TYW1: variants seen among roughly 807,000 people sequenced by gnomAD.
The protein encoded by TYW1 is S-adenosyl-L-methionine-dependent tRNA 4-demethylwyosine synthase TYW1.
TYW1 carries 46 observed loss-of-function variants against 96.2 expected under a neutral mutation model. The observed-to-expected ratio is 0.48, with a 90% CI of 0.38 to 0.61. TYW1 has a LOEUF of 0.61. TYW1 is among the 20% of genes least tolerant of loss of function. The probability of loss-of-function intolerance (pLI) is 0.00; values close to 1 mark genes in which losing one functional copy is unlikely to be tolerated. For missense variants in TYW1, 684 were observed against 909.6 expected, an observed-to-expected ratio of 0.75 and a Z score of 3.19; for synonymous variants, 274 against 323.0, an observed-to-expected ratio of 0.85 and a Z score of 1.63.
At chr7:67,200,532 GA>G (rs569166797) in intron 15 of TYW1, among the ~76,000 whole-genome samples, 141 of 152,164 alleles carry the variant, frequency 9.3e-4, no homozygotes, top group African/African-American at 3.2e-3. Flanking sequence ...CAGTATGGGG[GA>G]AACCACCCCA....
At chr7:67,163,668 A>ATT (rs3980764) in intron 13 of TYW1, among the ~76,000 whole-genome samples, 3,681 of 140,934 alleles carry the variant, frequency 0.026, 74 homozygotes, top group Admixed American at 0.049. Flanking sequence ...AAGCAGGAGA[A>ATT]TTTTTTTTTT....
chr7:67,138,376 G>T (rs1043737869), intron 13 of TYW1, among the ~76,000 whole-genome samples: 17 of 151,934 alleles, frequency 1.1e-4, no homozygotes, highest in African/African-American at 2.9e-4. Context: ...TATTTATAAG[G>T]TACCTGAGAT....
At chr7:67,138,302 G>C (rs1214180637) in intron 13 of TYW1, among the ~76,000 whole-genome samples, 1 of 152,032 alleles carries the variant, frequency 6.6e-6, no homozygotes, top group Admixed American at 6.6e-5. Flanking sequence ...CTATGAAGGA[G>C]GAGGGTTCTA....
At position 67,014,409 on chromosome 7, in the gene TYW1, A is replaced by T; in HGVS notation, c.418A>T (p.Thr140Ser). The change falls in exon 5 of 16, where the codon ACT becomes TCT. Residue 140 changes from threonine (T) to serine (S), a missense_variant. By Grantham distance (58) the Thr-to-Ser change is moderately conservative. Transcript: ENST00000359626. ...CTGTGTCTTCCTGGTTGCGACATAC[A>T]CTGACGGCCTACCAACTGAAAGTGC... ...NVCVFLVATY[T>S]DGLPTESAEW... 6.2e-7 allele frequency: 1 copy of T among 1,613,646 alleles called. No homozygotes were observed. The highest frequency in any genetic ancestry group is 8.5e-7 in the Non-Finnish European group (1 of 1,179,762).
At chr7:67,158,850 C>T (rs570183382) in intron 13 of TYW1, among the ~76,000 whole-genome samples, 118 of 152,294 alleles carry the variant, frequency 7.7e-4, no homozygotes, top group African/African-American at 2.6e-3. Flanking sequence ...GGATTACAGG[C>T]GTGAGCCACT....
chr7:67,058,012 G>GCA (rs1795578339), intron 9 of TYW1, among the ~76,000 whole-genome samples: 1 of 152,130 alleles, frequency 6.6e-6, no homozygotes, highest in African/African-American at 2.4e-5. Flanking sequence ...TCGGCTCACT[G>GCA]CAAGCTCTGC....
intron 11 of TYW1, among the ~76,000 whole-genome samples, chr7:67,095,680 ACAACAACAACAACAACAACAGCAG>A (rs1294449066): frequency 0.018 from 2,403 of 132,574 alleles, 32 homozygotes; most frequent in Admixed American, 0.048. Flanking sequence ...AACAACAACA[ACAACAACAACAACAACAACAGCAG>A]CAGCAGCAGC....
chr7:67,115,999 T>C (rs1329729143), intron 12 of TYW1, among the ~76,000 whole-genome samples: 1 of 152,132 alleles, frequency 6.6e-6, no homozygotes, highest in Non-Finnish European at 1.5e-5. Flanking sequence ...TTATGAGACC[T>C]ATTTGAAGAG....
rs141469808 is a variant in TYW1 at position 67,184,213 on chromosome 7, T to C, written c.1809+977T>C. Among the ~76,000 whole-genome samples the C allele has an allele frequency of 1.7e-3, 253 of 152,304 alleles. 1 individual carries two copies. The highest frequency in any genetic ancestry group is 5.8e-3 in the African/African-American group (241 of 41,566). ...TTAATTTCCTCTTCTATGTGTTTTG[T>C]TTTTCCTCTTAGAAATCACTTTGCT... On this transcript the variant is annotated intron_variant, in intron 14 of 15. Transcript: ENST00000359626.
At chr7:67,053,942 A>AAG (rs1316139636) in intron 8 of TYW1, among the ~76,000 whole-genome samples, 1 of 152,120 alleles carries the variant, frequency 6.6e-6, no homozygotes, top group African/African-American at 2.4e-5. Context: ...TTCCAAACTC[A>AAG]AGAGTCCACT....
intron 15 of TYW1, among the ~76,000 whole-genome samples, chr7:67,206,764 A>G (rs1263842722): frequency 1.3e-5 from 2 of 152,174 alleles, no homozygotes; most frequent in South Asian, 4.1e-4. Context: ...TGATCATACA[A>G]TCCATACATA....
chr7:67,048,089 C>CGTGTTAAAATTTTTAATCTGTTTGAT (rs57594073), intron 7 of TYW1, among the ~76,000 whole-genome samples: 1 of 78,364 alleles, frequency 1.3e-5, no homozygotes. Context: ...TGCCCAGCCA[C>CGTGTTAAAATTTTTAATCTGTTTGAT]ATATGGGGGA....
chr7:67,000,211 C>T (rs1793335480), intron 3 of TYW1, among the ~76,000 whole-genome samples: 2 of 152,172 alleles, frequency 1.3e-5, no homozygotes, highest in Admixed American at 6.6e-5. Flanking sequence ...GTTGGGATTA[C>T]AGTCGTGAGC....
chr7:67,212,255 T>G (rs1456795070), intron 15 of TYW1, among the ~76,000 whole-genome samples: 1 of 121,174 alleles, frequency 8.3e-6, no homozygotes. Flanking sequence ...TCTTTTTTTT[T>G]TAACCTTTTT....
intron 13 of TYW1, among the ~76,000 whole-genome samples, chr7:67,178,158 T>C (rs1799736346): frequency 6.9e-6 from 1 of 145,236 alleles, no homozygotes; most frequent in Non-Finnish European, 1.5e-5. Context: ...AGCCAGACCC[T>C]ATCTCAAGCC....
At position 67,006,015 on chromosome 7, in the gene TYW1, GTTTT is replaced by G. The variant is rs1337317557; in HGVS notation, c.274-3567_274-3564del. ...TCTCACTTTATCCTTGTGTTAGTCT[GTTTT>G]GCATTGCCATAAAGGAATACCTGCA... is the stretch of plus-strand genomic sequence containing the variant. On this transcript the variant is annotated intron_variant, in intron 3 of 15. Coordinates refer to ENST00000359626, the MANE Select transcript of TYW1 (RefSeq NM_018264.4). Among the ~76,000 whole-genome samples the G allele has an allele frequency of 2.2e-4, 33 of 152,188 alleles. No homozygotes were observed. The East Asian group carries it at 6.4e-3, about 29-fold the overall frequency.
At chr7:67,166,803 A>G (rs2116242731) in intron 13 of TYW1, among the ~76,000 whole-genome samples, 1 of 152,168 alleles carries the variant, frequency 6.6e-6, no homozygotes, top group Non-Finnish European at 1.5e-5. Flanking sequence ...TGGGGCTATG[A>G]TGAATAATTG....
rs1215238105 is a variant in TYW1, at chr7:67,015,553, T to C, written c.570+992T>C. Among the ~76,000 whole-genome samples, 7 of 152,212 alleles carry C rather than the reference T, an allele frequency of 4.6e-5. 1 individual carries two copies. The highest frequency in any genetic ancestry group is 4.6e-4 in the Admixed American group (7 of 15,270). On this transcript the variant is annotated intron_variant, in intron 5 of 15. Coordinates refer to ENST00000359626, the MANE Select transcript of TYW1 (RefSeq NM_018264.4). ...TTTTTTAGAGATGAGGGTCTCACTG[T>C]GTTGCCCAGGCTTGGTTCAAACTCC...
chr7:67,181,165 T>C (rs1457270785), intron 13 of TYW1, among the ~76,000 whole-genome samples: 1 of 152,242 alleles, frequency 6.6e-6, no homozygotes, highest in Non-Finnish European at 1.5e-5. Context: ...TGTGTTGAAC[T>C]ACTAGTATAA....
Sources: allele counts gnomAD v4.1 joint callset (sites outside exome capture counted in the v4.1 genomes callset), GRCh38; gene constraint gnomAD v4.1.1; transcripts MANE v1.5; gene names NCBI Gene and HGNC (gene_info 2026-07-23, HGNC 2026-07-21).